RCL1: variants seen among roughly 807,000 people sequenced by gnomAD.
RCL1 encodes RNA 3'-terminal phosphate cyclase-like protein.
In RCL1, 24 loss-of-function variants were observed where a neutral mutation model predicts 42.4. That is an observed-to-expected ratio of 0.57 (90% CI 0.41 to 0.80). RCL1 has a LOEUF of 0.80. RCL1 is among the 30% of genes least tolerant of loss of function. RCL1 has a pLI of 0.00. For synonymous variants in RCL1, 228 were observed against 177.3 expected (o/e 1.29, Z -2.27); for missense variants, 578 against 467.9 (o/e 1.24, Z -2.17).
At chr9:4,794,607 A>G (rs1468557861) in intron 1 of RCL1, among the ~76,000 whole-genome samples, 4 of 151,222 alleles carry the variant, frequency 2.6e-5, no homozygotes, top group Admixed American at 6.6e-5. Flanking sequence ...TGGTAAGAAG[A>G]TGGACTTCTA....
At chr9:4,839,141 A>C (rs568923899) in intron 5 of RCL1, among the ~76,000 whole-genome samples, 2 of 152,352 alleles carry the variant, frequency 1.3e-5, no homozygotes, top group East Asian at 1.9e-4. Flanking sequence ...TAGGACATCC[A>C]TGCCAAGCCA....
chr9:4,815,460 T>A (rs1239601422), intron 1 of RCL1, among the ~76,000 whole-genome samples: 1 of 152,112 alleles, frequency 6.6e-6, no homozygotes. Flanking sequence ...TTTCTTTTTT[T>A]TTTTTGCAAC....
intron 1 of RCL1, among the ~76,000 whole-genome samples, chr9:4,818,582 G>A (rs781399455): frequency 3.3e-5 from 5 of 152,000 alleles, no homozygotes; most frequent in South Asian, 2.1e-4. Flanking sequence ...CTGGTTATTC[G>A]CTAAAGAAAT....
intron 1 of RCL1, among the ~76,000 whole-genome samples, chr9:4,805,210 A>G (rs541790482): frequency 3.4e-5 from 5 of 148,750 alleles, no homozygotes; most frequent in Admixed American, 6.6e-5. Context: ...CAAAACAATA[A>G]GCAAAACAAA....
chr9:4,793,291 G>C lies in RCL1; in HGVS notation c.136+64G>C, dbSNP rs116374658. The C allele has an allele frequency of 6.9e-3, 10,469 of 1,507,904 alleles. 675 individuals are homozygous for C. The African/African-American group carries it at 0.13, about 19-fold the overall frequency. 93.4% of individuals were successfully genotyped at this position (1,507,904 alleles called of 1,614,324 possible). Reference sequence around the variant, plus strand: ...GCTGAGGGGAGACCGAGCTGATGCCGTGGGGGCCCGCGCGGTGTTGGTTGG... The same window carrying C: ...GCTGAGGGGAGACCGAGCTGATGCCCTGGGGGCCCGCGCGGTGTTGGTTGG... On this transcript the variant is annotated intron_variant, in intron 1 of 8. Transcript: ENST00000381750.
At position 4,827,199 on chromosome 9, in the gene RCL1, C is replaced by T. The variant is rs542819358; in HGVS notation, c.384+166C>T. ...TTAATCACTCCAGGAGGCAGATGAA[C>T]CAAAACTTAGGATCATCAAATTCAG... is the stretch of plus-strand genomic sequence containing the variant. On this transcript the variant is annotated intron_variant, in intron 3 of 8. Transcript: ENST00000381750. 73 of 1,538,846 alleles carry T rather than the reference C, an allele frequency of 4.7e-5. No individual in the cohort carries two copies. In the East Asian group the frequency reaches 1.6e-3, roughly 35 times the overall value.
At chr9:4,837,675 G>A (rs1817185324) in intron 5 of RCL1, among the ~76,000 whole-genome samples, 1 of 152,144 alleles carries the variant, frequency 6.6e-6, no homozygotes, top group African/African-American at 2.4e-5. Context: ...TGGGAAATGG[G>A]GAAGGGCTTT....
chr9:4,801,552 C>G (rs553263268), intron 1 of RCL1, among the ~76,000 whole-genome samples: 9 of 152,216 alleles, frequency 5.9e-5, no homozygotes, highest in African/African-American at 2.2e-4. Context: ...AATATTTTCT[C>G]CCACTGTGCA....
At chr9:4,829,533 T>G (rs1235135061) in intron 3 of RCL1, among the ~76,000 whole-genome samples, 1 of 152,224 alleles carries the variant, frequency 6.6e-6, no homozygotes, top group Admixed American at 6.5e-5. Context: ...GATTTCCAGT[T>G]GGCAGTTAGA....
chr9:4,824,000 G>A (rs1442776496), intron 2 of RCL1, among the ~76,000 whole-genome samples: 3 of 152,062 alleles, frequency 2.0e-5, no homozygotes, highest in African/African-American at 4.8e-5. Context: ...CCAATTTGAA[G>A]GGCGTACATT....
intron 2 of RCL1, among the ~76,000 whole-genome samples, chr9:4,826,393 A>T (rs146191088): frequency 6.6e-6 from 1 of 152,226 alleles, no homozygotes; most frequent in Non-Finnish European, 1.5e-5. Context: ...TGAATGCCAT[A>T]AAGTACTTGC....
At chr9:4,796,371 T>G (rs947405197) in intron 1 of RCL1, among the ~76,000 whole-genome samples, 7 of 152,332 alleles carry the variant, frequency 4.6e-5, no homozygotes, top group Admixed American at 1.3e-4. Context: ...CTTAGGATAA[T>G]GGCCTCTAGC....
chr9:4,844,507 G>T lies in RCL1; in HGVS notation c.711-18G>T, dbSNP rs295259. 1,419,280 of 1,596,776 alleles carry T rather than the reference G, an allele frequency of 0.89. 631,807 individuals carry two copies. The highest frequency in any genetic ancestry group is 1 in the East Asian group (44,476 of 44,504). ...ACTTGGTTAAACCTACTCAGTGTTTGTGCCTTTGTATCTCCAGGTCTCCGG... is the reference window on the plus strand; with the variant it reads ...ACTTGGTTAAACCTACTCAGTGTTTTTGCCTTTGTATCTCCAGGTCTCCGG... On this transcript the variant is annotated intron_variant, in intron 6 of 8. Transcript: ENST00000381750.
intron 1 of RCL1, among the ~76,000 whole-genome samples, chr9:4,815,493 G>C (rs141888877): frequency 1.6e-3 from 241 of 151,602 alleles, no homozygotes; most frequent in African/African-American, 5.6e-3. Context: ...AATTTATCCA[G>C]GAAGCATCAG....
intron 7 of RCL1, among the ~76,000 whole-genome samples, chr9:4,848,880 C>G (rs759158482): frequency 1.3e-5 from 2 of 152,102 alleles, no homozygotes; most frequent in Non-Finnish European, 2.9e-5. Flanking sequence ...AACAAGTCTT[C>G]AGTTTTAAGG....
chr9:4,813,580 A>C (rs1304299251), intron 1 of RCL1, among the ~76,000 whole-genome samples: 5 of 152,202 alleles, frequency 3.3e-5, no homozygotes, highest in Non-Finnish European at 5.9e-5. Flanking sequence ...ACACTTTTAC[A>C]CTGTTGGTGG....
intron 1 of RCL1, among the ~76,000 whole-genome samples, chr9:4,820,829 C>T (rs1052078905): frequency 1.3e-5 from 2 of 152,182 alleles, no homozygotes; most frequent in Admixed American, 6.5e-5. Flanking sequence ...TCAATTCCGT[C>T]GTTCAGATAC....
At position 4,823,590 on chromosome 9, in the gene RCL1, A is replaced by G. The variant is rs530101586; in HGVS notation, c.179A>G (p.Asn60Ser). ...SFIRLLDKIT[N>S]GSRIEINQTG... ...ATAAGGCTATTGGACAAAATAACGA[A>G]TGGTTCTCGAATTGAAATAAACCAA... The change falls in exon 2 of 9, where the codon AAT becomes AGT. Residue 60 changes from asparagine (N) to serine (S), a missense_variant. Physicochemically the swap from Asn to Ser is conservative, Grantham distance 46 (BLOSUM62 1). Transcript: ENST00000381750. 5.6e-6 allele frequency: 9 copies of G among 1,612,062 alleles called. No homozygotes were observed. The African/African-American group carries it at 9.4e-5, about 17-fold the overall frequency.
At position 4,841,327 on chromosome 9, in the gene RCL1, C is replaced by T. The variant is rs1288220931; in HGVS notation, c.680C>T (p.Thr227Ile). 13 of 1,613,172 alleles carry T rather than the reference C, an allele frequency of 8.1e-6. No homozygotes were observed. The highest frequency in any genetic ancestry group is 6.7e-5 in the East Asian group (3 of 44,872). ...TTCATACCTGATATCTATATTTACA[C>T]AGATCACATGAAAGGAGTCAACTCT... Reference protein sequence around the residue: ...NKFIPDIYIYTDHMKGVNSGK... With the variant: ...NKFIPDIYIYIDHMKGVNSGK... The change falls in exon 6 of 9, where the codon ACA becomes ATA. Residue 227 changes from threonine to isoleucine, a missense_variant. Transcript: ENST00000381750.
Sources: allele counts gnomAD v4.1 joint callset (sites outside exome capture counted in the v4.1 genomes callset), GRCh38; gene constraint gnomAD v4.1.1; transcripts MANE v1.5; gene names NCBI Gene and HGNC (gene_info 2026-07-23, HGNC 2026-07-21).